The following NLRP7 variants were observed in gnomAD, a reference collection of about 807,000 sequenced individuals.
NLRP7 encodes NLR family pyrin domain containing 7.
In NLRP7, 72 loss-of-function variants were observed where a neutral mutation model predicts 85.5. The ratio of observed to expected loss-of-function variants is 0.84; its 90% confidence interval spans 0.70 to 1.02. The LOEUF (loss-of-function observed/expected upper bound fraction) is 1.02, where lower values mean the gene tolerates loss of function less well. NLRP7 is among the 50% of genes least tolerant of loss of function. The pLI is 0.00. For missense variants in NLRP7, 1,243 were observed against 1,219.5 expected, an observed-to-expected ratio of 1.02 and a Z score of -0.29; for synonymous variants, 550 against 505.2, an observed-to-expected ratio of 1.09 and a Z score of -1.19.
At chr19:54,933,627 C>T (rs1335629453) in exon 8 of NLRP7, 2 of 1,614,252 alleles carry the variant, frequency 1.2e-6, no homozygotes, top group South Asian at 2.2e-5. Flanking sequence ...AACTTCACCC[C>T]TGTATCCCCA....
Position 54,941,493 on chromosome 19 carries a change from G to A in NLRP7, c.219C>T (p.Asn73=), listed in dbSNP as rs61740183. ...CCGTGAGATTCATCTCTTCCAAGAT[G>A]TTCACAGTCGCATTCCTTATCCAAT... Residue 73 remains asparagine (N), a synonymous_variant, in exon 2 of 10, where the codon AAC becomes AAT. Coordinates refer to ENST00000340844, the Ensembl canonical transcript of NLRP7. 8.2e-4 allele frequency: 1,315 copies of A among 1,611,790 alleles called. 12 individuals carry two copies. In the African/African-American group the frequency reaches 0.015, roughly 18 times the overall value.
At chr19:54,948,578 AT>A (rs113897847), upstream of NLRP7, among the ~76,000 whole-genome samples, 1,871 of 148,188 alleles carry the variant, frequency 0.013, 39 homozygotes, top group African/African-American at 0.043. Flanking sequence ...CTGATATTTA[AT>A]TTTTTTTTTT....
Position 54,946,718 on chromosome 19 carries a change from C to T in NLRP7, c.-40+751G>A, listed in dbSNP as rs553085519. ...GCAGTGGCGCGATCTCAGCTCATTG[C>T]AACCTCCCCCTCCTAGGTTTAAGCT... On this transcript the variant is annotated intron_variant, in intron 1 of 9. Coordinates refer to ENST00000340844, the Ensembl canonical transcript of NLRP7. Among the ~76,000 whole-genome samples the T allele has an allele frequency of 5.3e-5, 8 of 152,200 alleles. No individual in the cohort carries two copies. In the South Asian group the frequency reaches 1.7e-3, roughly 32 times the overall value.
upstream of NLRP7, among the ~76,000 whole-genome samples, chr19:54,950,595 G>A (rs2069636178): frequency 6.6e-6 from 1 of 152,176 alleles, no homozygotes; most frequent in African/African-American, 2.4e-5. Context: ...CTGTGCTTTA[G>A]ATATGCATAC....
chr19:54,952,474 A>G (rs2146268264), upstream of NLRP7, among the ~76,000 whole-genome samples: 1 of 151,820 alleles, frequency 6.6e-6, no homozygotes, highest in South Asian at 2.1e-4. Context: ...GGTGCCTGTA[A>G]CCCCAGCTAC....
intron 1 of NLRP7, among the ~76,000 whole-genome samples, chr19:54,942,324 C>T (rs560021489): frequency 2.8e-4 from 43 of 151,950 alleles, no homozygotes; most frequent in East Asian, 1.2e-3. Flanking sequence ...AGGGCCAGCC[C>T]GTGCTGCCTA....
intron 6 of NLRP7, among the ~76,000 whole-genome samples, chr19:54,935,342 C>G (rs2068865853): frequency 6.6e-6 from 1 of 152,080 alleles, no homozygotes; most frequent in African/African-American, 2.4e-5. Flanking sequence ...ATCCTCCCAC[C>G]TCAGCATCCA....
chr19:54,959,081 G>C (rs971046678), intron 1 of NLRP7, among the ~76,000 whole-genome samples: 2 of 151,778 alleles, frequency 1.3e-5, no homozygotes, highest in African/African-American at 4.8e-5. Flanking sequence ...CTGGTTTTGG[G>C]TCTGGTGCCT....
intron 1 of NLRP7, among the ~76,000 whole-genome samples, chr19:54,956,754 C>T (rs1019984135): frequency 5.3e-5 from 8 of 151,216 alleles, no homozygotes; most frequent in South Asian, 2.1e-4. Flanking sequence ...TTTGGGAGGC[C>T]GAGGCAGGTG....
chr19:54,941,296 G>A (rs2069207983), intron 2 of NLRP7, 139 bp downstream of exon 2: 1 of 707,042 alleles, frequency 1.4e-6, no homozygotes, highest in South Asian at 1.6e-5. Context: ...CTTGAACCCA[G>A]AGGCGGAGGT....
intron 1 of NLRP7, among the ~76,000 whole-genome samples, chr19:54,963,202 C>T (rs368733293): frequency 6.6e-4 from 100 of 151,902 alleles, no homozygotes; most frequent in Middle Eastern, 6.8e-3. Flanking sequence ...TTGAGACCAG[C>T]CTGGGCAACA....
rs564897881 is a variant in NLRP7, at chr19:54,946,013, G to A, written c.-40+1456C>T. ...TCACCGTGTTAGCCAGGATGGTCTC[G>A]ATCTTCTGACCTCGTGATCCGCCCG... is the stretch of plus-strand genomic sequence containing the variant. On this transcript the variant is annotated intron_variant, in intron 1 of 9. Coordinates refer to ENST00000340844, the Ensembl canonical transcript of NLRP7. Among the ~76,000 whole-genome samples, 8 of 151,754 alleles carry A rather than the reference G, an allele frequency of 5.3e-5. No individual in the cohort carries two copies. The East Asian group carries it at 1.6e-3, about 30-fold the overall frequency.
At chr19:54,928,175 G>A (rs775257636) in intron 9 of NLRP7, among the ~76,000 whole-genome samples, 12 of 152,176 alleles carry the variant, frequency 7.9e-5, no homozygotes, top group Admixed American at 5.9e-4. Flanking sequence ...AGCCCAGATT[G>A]CGCCACTGCA....
chr19:54,936,137 T>G (rs536451677), intron 6 of NLRP7, 124 bp downstream of exon 6: 1 of 830,954 alleles, frequency 1.2e-6, no homozygotes, highest in African/African-American at 1.7e-5. Flanking sequence ...CACACAGGCC[T>G]GTTTGAGGAA....
intron 2 of NLRP7, 120 bp downstream of exon 2, chr19:54,941,315 G>T (rs988667438): frequency 1.2e-5 from 9 of 752,736 alleles, no homozygotes; most frequent in Non-Finnish European, 2.0e-5. Context: ...GTTGCAGTGA[G>T]CCCAGATCTC....
exon 10 of NLRP7, chr19:54,923,515 G>A (rs141238155): frequency 2.3e-5 from 14 of 598,694 alleles, no homozygotes; most frequent in South Asian, 9.7e-5. Flanking sequence ...CAGCTGCAAC[G>A]AGAGTGCTCT....
upstream of NLRP7, chr19:54,947,655 T>C: frequency 7.8e-7 from 1 of 1,289,062 alleles, no homozygotes. Flanking sequence ...TGACATCACC[T>C]GGGCCCCATC....
intron 1 of NLRP7, among the ~76,000 whole-genome samples, chr19:54,946,167 A>C (rs1173702730): frequency 6.6e-6 from 1 of 151,318 alleles, no homozygotes; most frequent in Non-Finnish European, 1.5e-5. Context: ...TCGGCCTCCC[A>C]AAGTGCTGGG....
At chr19:54,930,353 T>C in intron 9 of NLRP7, 146 bp downstream of exon 9, 1 of 659,870 alleles carries the variant, frequency 1.5e-6, no homozygotes. Context: ...AGCCAGCTAC[T>C]CAGGAGGCTG....
Sources: gnomAD v4.1 joint callset for allele counts (sites outside exome capture counted in the v4.1 genomes callset) on GRCh38, gnomAD v4.1.1 for gene constraint, MANE v1.5 for transcripts, NCBI Gene and HGNC (gene_info 2026-07-23, HGNC 2026-07-21) for gene names.